MIPOL1: variants seen among roughly 807,000 people sequenced by gnomAD.
MIPOL1 encodes mirror-image polydactyly 1.
A neutral mutation model predicts 60.9 loss-of-function variants in MIPOL1; 57 were observed. The ratio of observed to expected loss-of-function variants is 0.94; its 90% CI spans 0.76 to 1.17. The LOEUF (loss-of-function observed/expected upper bound fraction) is 1.17, where lower values mean the gene tolerates loss of function less well. Among genes scored for constraint, MIPOL1 ranks in the 50% most tolerant of loss-of-function variants. The pLI, the probability that MIPOL1 is intolerant of heterozygous loss-of-function variation, is 0.00. For synonymous variants in MIPOL1, 179 were observed against 168.8 expected (o/e 1.06, Z -0.47); for missense variants, 551 against 511.6 (o/e 1.08, Z -0.74).
At chr14:37,511,043 T>C (rs888410044) in intron 12 of MIPOL1, among the ~76,000 whole-genome samples, 2 of 152,192 alleles carry the variant, frequency 1.3e-5, no homozygotes, top group Non-Finnish European at 2.9e-5. Flanking sequence ...CTATCTACTA[T>C]TGCTATTCAT....
intron 12 of MIPOL1, 36 bp downstream of exon 12, chr14:37,500,174 C>T (rs773078560): frequency 3.0e-6 from 4 of 1,352,980 alleles, no homozygotes; most frequent in Non-Finnish European, 4.1e-6. Context: ...ACTTCAAACA[C>T]ATGAAACAAA....
intron 7 of MIPOL1, among the ~76,000 whole-genome samples, chr14:37,286,354 A>G (rs1481161724): frequency 6.6e-6 from 1 of 152,182 alleles, no homozygotes; most frequent in African/African-American, 2.4e-5. Flanking sequence ...AGATCTTGTC[A>G]GAGTGCAGAT....
intron 11 of MIPOL1, among the ~76,000 whole-genome samples, chr14:37,430,583 C>A (rs759496735): frequency 5.9e-5 from 9 of 151,442 alleles, no homozygotes; most frequent in Non-Finnish European, 1.0e-4. Context: ...TCTCTTCTTC[C>A]TCTCAACTTA....
At chr14:37,480,968 G>T (rs536487682) in intron 11 of MIPOL1, among the ~76,000 whole-genome samples, 1 of 151,966 alleles carries the variant, frequency 6.6e-6, no homozygotes, top group Non-Finnish European at 1.5e-5. Context: ...GTGAGACTTC[G>T]TCTCTATTTA....
At chr14:37,428,241 C>G (rs1439353413) in intron 11 of MIPOL1, among the ~76,000 whole-genome samples, 2 of 152,136 alleles carry the variant, frequency 1.3e-5, no homozygotes, top group Non-Finnish European at 2.9e-5. Flanking sequence ...GTATGATCAG[C>G]TCTTCGTTTT....
At chr14:37,227,917 G>C (rs571011524) in intron 1 of MIPOL1, 2 of 152,214 alleles carry the variant, frequency 1.3e-5, no homozygotes, top group South Asian at 4.2e-4. Context: ...TATAAATAAG[G>C]CTAGGAAATA....
At chr14:37,418,937 A>G (rs1424322876) in intron 10 of MIPOL1, among the ~76,000 whole-genome samples, 1 of 152,038 alleles carries the variant, frequency 6.6e-6, no homozygotes, top group Non-Finnish European at 1.5e-5. Context: ...ATAGCTATAT[A>G]TATCTATATA....
chr14:37,308,321 TCTGA>T (rs1166365881), intron 8 of MIPOL1, 24 bp from the exon 9 acceptor site: 2 of 1,479,792 alleles, frequency 1.4e-6, no homozygotes, highest in Non-Finnish European at 1.8e-6. Context: ...AAACTTCATG[TCTGA>T]CTAACATATA....
At chr14:37,239,039 C>T (rs532689417) in intron 1 of MIPOL1, among the ~76,000 whole-genome samples, 8 of 148,970 alleles carry the variant, frequency 5.4e-5, no homozygotes. Flanking sequence ...AAGTAGCATA[C>T]ATTGCTTAAT....
intron 11 of MIPOL1, among the ~76,000 whole-genome samples, chr14:37,485,547 T>G (rs1321263606): frequency 6.6e-6 from 1 of 152,230 alleles, no homozygotes; most frequent in African/African-American, 2.4e-5. Context: ...AGATGGTATC[T>G]CATTGTGGTT....
intron 9 of MIPOL1, among the ~76,000 whole-genome samples, chr14:37,314,810 A>C (rs897254937): frequency 1.3e-5 from 2 of 152,096 alleles, no homozygotes; most frequent in Admixed American, 6.5e-5. Context: ...GAAGTTACTT[A>C]TTATGTTTGT....
chr14:37,476,239 A>G (rs571266686), intron 11 of MIPOL1, among the ~76,000 whole-genome samples: 13 of 152,296 alleles, frequency 8.5e-5, no homozygotes, highest in East Asian at 5.8e-4. Flanking sequence ...ATGTCCTGCA[A>G]TCTTACTATA....
intron 9 of MIPOL1, among the ~76,000 whole-genome samples, chr14:37,336,543 C>G (rs976307808): frequency 6.6e-6 from 1 of 151,352 alleles, no homozygotes; most frequent in East Asian, 1.9e-4. Context: ...CTTAAAATTC[C>G]CGTCTCCCTG....
chr14:37,252,816 C>G (rs1974322554), intron 3 of MIPOL1, among the ~76,000 whole-genome samples: 1 of 151,880 alleles, frequency 6.6e-6, no homozygotes, highest in South Asian at 2.1e-4. Context: ...ATAATTGATG[C>G]TTTTAAATGT....
chr14:37,386,309 A>G (rs1002199263), intron 10 of MIPOL1, among the ~76,000 whole-genome samples: 2 of 152,002 alleles, frequency 1.3e-5, no homozygotes, highest in Non-Finnish European at 2.9e-5. Flanking sequence ...TCTTTAGTAC[A>G]GTAGACATAG....
chr14:37,381,360 T>C (rs2092919087), intron 10 of MIPOL1, among the ~76,000 whole-genome samples: 1 of 152,108 alleles, frequency 6.6e-6, no homozygotes, highest in Admixed American at 6.6e-5. Flanking sequence ...TTTCTGACCC[T>C]ATTGACTTTT....
intron 11 of MIPOL1, among the ~76,000 whole-genome samples, chr14:37,485,701 G>C (rs894660954): frequency 6.6e-6 from 1 of 151,632 alleles, no homozygotes; most frequent in African/African-American, 2.4e-5. Flanking sequence ...TTGTAAATTT[G>C]TCTAAGTTCT....
chr14:37,260,849 C>T (rs2153377583), intron 3 of MIPOL1, among the ~76,000 whole-genome samples: 1 of 152,090 alleles, frequency 6.6e-6, no homozygotes, highest in Non-Finnish European at 1.5e-5. Flanking sequence ...AAGATAGGAG[C>T]CTGTGGTCTA....
chr14:37,519,452 A>C (rs1220703029), intron 12 of MIPOL1, among the ~76,000 whole-genome samples: 2 of 152,162 alleles, frequency 1.3e-5, no homozygotes. Context: ...TCAGTGTTAG[A>C]CTAGGTACTG....
Sources: gnomAD v4.1 joint callset for allele counts (sites outside exome capture counted in the v4.1 genomes callset) on GRCh38, gnomAD v4.1.1 for gene constraint, MANE v1.5 for transcripts, NCBI Gene and HGNC (gene_info 2026-07-23, HGNC 2026-07-21) for gene names.